LRRC37A2: variants seen among roughly 807,000 people sequenced by gnomAD.
The protein encoded by LRRC37A2 is leucine rich repeat containing 37 member A2, also known as leucine-rich repeat-containing protein 37A2.
In LRRC37A2, 9 loss-of-function variants were observed where a neutral mutation model predicts 68.8. The observed-to-expected ratio is 0.13, with a 90% CI of 0.08 to 0.23. The LOEUF (loss-of-function observed/expected upper bound fraction) is 0.23, where lower values mean the gene tolerates loss of function less well. Among genes scored for constraint, LRRC37A2 ranks in the 10% least tolerant of loss-of-function variants. The pLI is 1.00. For synonymous variants in LRRC37A2, 63 were observed against 367.6 expected (o/e 0.17, Z 9.48); for missense variants, 168 against 950.4 (o/e 0.18, Z 10.82).
the LRRC37A2 span, among the ~76,000 whole-genome samples, chr17:46,960,230 A>G: frequency 2.1e-3 from 326 of 152,376 alleles, 1 homozygote; most frequent in African/African-American, 7.6e-3. Context: ...TACAGATGGC[A>G]CTTAAGAACA....
chr17:46,748,033 A>T, the LRRC37A2 span, among the ~76,000 whole-genome samples: 1 of 152,234 alleles, frequency 6.6e-6, no homozygotes, highest in Non-Finnish European at 1.5e-5. Flanking sequence ...AAGATCAAAG[A>T]TCAGATAGCA....
chr17:46,850,404 C>T, the LRRC37A2 span, among the ~76,000 whole-genome samples: 3 of 152,180 alleles, frequency 2.0e-5, no homozygotes, highest in Non-Finnish European at 4.4e-5. Context: ...GGGGCTTCCT[C>T]TGTTAATGCC....
the LRRC37A2 span, among the ~76,000 whole-genome samples, chr17:46,806,010 C>T: frequency 2.6e-5 from 4 of 152,136 alleles, no homozygotes; most frequent in Non-Finnish European, 2.9e-5. Context: ...TAACAAGAGT[C>T]TCTGCCTCCT....
the LRRC37A2 span, among the ~76,000 whole-genome samples, chr17:46,569,312 T>C: frequency 1.3e-5 from 2 of 149,840 alleles, no homozygotes; most frequent in African/African-American, 2.5e-5. Flanking sequence ...TAAAGAATTA[T>C]TATTAATTTT....
At chr17:46,851,744 T>C in the LRRC37A2 span, 2 of 1,191,054 alleles carry the variant, frequency 1.7e-6, no homozygotes, top group Non-Finnish European at 2.1e-6. This position sits in a 1 kb window ranked among gnomAD's most constrained non-coding sequence, Gnocchi z 4.3. Context: ...CCCCGCCCGC[T>C]CCCCGGCCTG....
the LRRC37A2 span, among the ~76,000 whole-genome samples, chr17:46,858,328 T>C: frequency 6.6e-6 from 1 of 152,222 alleles, no homozygotes; most frequent in Non-Finnish European, 1.5e-5. Flanking sequence ...TGATGTCTTA[T>C]GAAGAACAGA....
At chr17:46,494,231 C>G in the LRRC37A2 span, among the ~76,000 whole-genome samples, 2 of 150,972 alleles carry the variant, frequency 1.3e-5, no homozygotes, top group African/African-American at 2.5e-5. Context: ...TACATTTTCC[C>G]CATCTGTGCC....
the LRRC37A2 span, among the ~76,000 whole-genome samples, chr17:46,862,338 C>T: frequency 1.3e-5 from 2 of 152,098 alleles, no homozygotes; most frequent in Middle Eastern, 3.2e-3. Context: ...TGGGGCAGCA[C>T]CTGTAATCAG....
At chr17:46,595,425 C>A in the LRRC37A2 span, among the ~76,000 whole-genome samples, 1 of 79,404 alleles carries the variant, frequency 1.3e-5, no homozygotes, top group Non-Finnish European at 1.9e-5. Context: ...GTACATGAGT[C>A]CAATGTATTA....
chr17:46,875,959 C>G, the LRRC37A2 span, among the ~76,000 whole-genome samples: 1 of 152,354 alleles, frequency 6.6e-6, no homozygotes, highest in South Asian at 2.1e-4. Flanking sequence ...TGTGTTCAAT[C>G]ATTGAGTTGG....
At chr17:46,979,604 A>C in the LRRC37A2 span, among the ~76,000 whole-genome samples, 4 of 152,004 alleles carry the variant, frequency 2.6e-5, no homozygotes, top group Non-Finnish European at 5.9e-5. Flanking sequence ...TAGACATCAG[A>C]TGAGTCGCCG....
At chr17:46,741,770 T>TTTA in the LRRC37A2 span, among the ~76,000 whole-genome samples, 1 of 151,604 alleles carries the variant, frequency 6.6e-6, no homozygotes, top group Non-Finnish European at 1.5e-5. Context: ...GGTTTTTGTT[T>TTTA]TTGTTGTTGT....
chr17:46,875,423 G>C, the LRRC37A2 span: 4 of 1,505,562 alleles, frequency 2.7e-6, no homozygotes, highest in Non-Finnish European at 3.6e-6. Context: ...CAGCTGGGGA[G>C]CATGGCTTGA....
the LRRC37A2 span, chr17:47,007,709 A>G: frequency 6.6e-6 from 1 of 152,132 alleles, no homozygotes; most frequent in Non-Finnish European, 1.5e-5. Flanking sequence ...CAATTAATGT[A>G]TTTTGTAAAT....
chr17:46,765,786 C>T, the LRRC37A2 span, among the ~76,000 whole-genome samples: 1 of 152,238 alleles, frequency 6.6e-6, no homozygotes, highest in African/African-American at 2.4e-5. Context: ...GGTCCTGGGC[C>T]AGGCCCTTCA....
the LRRC37A2 span, chr17:46,874,841 G>T: frequency 1.7e-6 from 1 of 605,270 alleles, no homozygotes; most frequent in African/African-American, 1.8e-5. Context: ...GCCTCCTAAA[G>T]TGCTGGGATT....
the LRRC37A2 span, among the ~76,000 whole-genome samples, chr17:46,603,302 C>A: frequency 6.6e-6 from 1 of 151,964 alleles, no homozygotes; most frequent in African/African-American, 2.4e-5. Flanking sequence ...TGCAGACCAG[C>A]AAATTAGCAT....
the LRRC37A2 span, among the ~76,000 whole-genome samples, chr17:46,894,669 C>T: frequency 2.6e-5 from 4 of 152,314 alleles, no homozygotes; most frequent in East Asian, 3.9e-4. Flanking sequence ...ACCAGGTCTC[C>T]GTGGGGCCGC....
the LRRC37A2 span, among the ~76,000 whole-genome samples, chr17:47,037,865 C>T: frequency 6.6e-6 from 1 of 152,162 alleles, no homozygotes; most frequent in East Asian, 1.9e-4. Flanking sequence ...TAGTTCATAT[C>T]TTTCTGGTAA....
Sources: gnomAD v4.1 joint callset for allele counts (sites outside exome capture counted in the v4.1 genomes callset) on GRCh38, gnomAD v4.1.1 for gene constraint, Gnocchi (gnomAD v3.1) non-coding constraint, MANE v1.5 for transcripts, NCBI Gene and HGNC (gene_info 2026-07-23, HGNC 2026-07-21) for gene names.